NRROS: variants seen among roughly 807,000 people sequenced by gnomAD.
NRROS encodes the protein negative regulator of reactive oxygen species.
A neutral mutation model predicts 12.0 loss-of-function variants in NRROS; 6 were observed. That is an observed-to-expected ratio of 0.50 (90% CI 0.27 to 0.98). The LOEUF is 0.98. Ranked by LOEUF, NRROS falls within the 50% of genes least tolerant of loss-of-function variation. The pLI, the probability that NRROS is intolerant of heterozygous loss-of-function variation, is 0.11. For missense variants in NRROS, 857 were observed against 888.2 expected, an observed-to-expected ratio of 0.96 and a Z score of 0.45; for synonymous variants, 462 against 410.2, an observed-to-expected ratio of 1.13 and a Z score of -1.53.
intron 1 of NRROS, among the ~76,000 whole-genome samples, chr3:196,649,508 G>C (rs1449671792): frequency 6.6e-6 from 1 of 151,914 alleles, no homozygotes; most frequent in East Asian, 1.9e-4. Context: ...GTCTCGCTCT[G>C]TCGCCCAGGC....
chr3:196,660,606 A>G lies in NRROS; in HGVS notation c.963A>G (p.Glu321=), dbSNP rs745712182. 8.1e-6 allele frequency: 13 copies of G among 1,614,148 alleles called. No individual in the cohort carries two copies. The Middle Eastern group carries it at 9.9e-4, about 123-fold the overall frequency. ...TNITTVSLWE[E]FSSSDLADLR... ...TCACCACCGTCAGCCTCTGGGAAGA[A>G]TTCTCCTCCAGCGACCTCGCAGATC... The change falls in exon 3 of 3, where the codon GAA becomes GAG. Residue 321 remains glutamate (E), a synonymous_variant. Transcript: ENST00000328557. The surrounding 1 kb of genome is among the most constrained non-coding windows in gnomAD (Gnocchi z 7.7).
chr3:196,658,718 C>A (rs141660046), intron 2 of NRROS, among the ~76,000 whole-genome samples: 1 of 152,192 alleles, frequency 6.6e-6, no homozygotes, highest in Admixed American at 6.5e-5. Context: ...GTAATCCCAG[C>A]ACTTTTGGGA....
intron 1 of NRROS, among the ~76,000 whole-genome samples, chr3:196,648,766 C>CAACAA (rs755443181): frequency 4.0e-5 from 3 of 74,814 alleles, no homozygotes; most frequent in African/African-American, 5.7e-5. Flanking sequence ...AACTCCATCT[C>CAACAA]AAAAAAAAAA....
chr3:196,660,972 G>T lies in NRROS; in HGVS notation c.1329G>T (p.Leu443=), dbSNP rs1478136354. ...ACAATCAGATCTCACTTTGTCCCCT[G>T]CCAGCTGCCTCGGACCGGGTGGGCC... ...MSHNQISLCP[L]PAASDRVGPP... The change falls in exon 3 of 3, where the codon CTG becomes CTT. Residue 443 remains leucine (L), a synonymous_variant. Coordinates refer to ENST00000328557, the MANE Select transcript of NRROS (RefSeq NM_198565.3). This position sits in a 1 kb window ranked among gnomAD's most constrained non-coding sequence, Gnocchi z 7.7. 2.5e-6 allele frequency: 4 copies of T among 1,614,042 alleles called. No individual in the cohort carries two copies. In the African/African-American group the frequency reaches 5.3e-5, roughly 22 times the overall value.
rs769899193 is a variant in NRROS at position 196,660,498 on chromosome 3, C to T, written c.855C>T (p.Gly285=). The T allele has an allele frequency of 1.2e-5, 19 of 1,614,158 alleles. No individual in the cohort carries two copies. Among genetic ancestry groups the T allele is most frequent in the Admixed American group, 3.3e-5 (2 of 60,016 alleles). The change falls in exon 3 of 3, where the codon GGC becomes GGT. Residue 285 remains glycine (G), a synonymous_variant. Coordinates refer to ENST00000328557, the MANE Select transcript of NRROS (RefSeq NM_198565.3). This position sits in a 1 kb window ranked among gnomAD's most constrained non-coding sequence, Gnocchi z 7.7. ...RTLLLRDNNM[G]FYRDLYNTSS... Reference sequence around the variant, plus strand: ...TCCTGCTGCGCGACAACAACATGGGCTTCTACCGGGACCTGTACAACACCT... The same window carrying T: ...TCCTGCTGCGCGACAACAACATGGGTTTCTACCGGGACCTGTACAACACCT...
chr3:196,653,342 A>G (rs1737469189), intron 1 of NRROS, among the ~76,000 whole-genome samples: 1 of 152,222 alleles, frequency 6.6e-6, no homozygotes, highest in Admixed American at 6.5e-5. Flanking sequence ...GTGAGCATTC[A>G]AATCTGATCA....
At chr3:196,653,450 G>A (rs1440808210) in intron 1 of NRROS, among the ~76,000 whole-genome samples, 1 of 152,252 alleles carries the variant, frequency 6.6e-6, no homozygotes, top group Non-Finnish European at 1.5e-5. Context: ...GTGAGCTGGT[G>A]CCGCTGGCCC....
At chr3:196,640,802 T>G (rs1002476914) in intron 1 of NRROS, among the ~76,000 whole-genome samples, 2 of 119,000 alleles carry the variant, frequency 1.7e-5, no homozygotes, top group Non-Finnish European at 3.5e-5. Context: ...GAATGGAGCC[T>G]CTCCGGACAG....
intron 1 of NRROS, among the ~76,000 whole-genome samples, chr3:196,649,975 AGTCAGGGGAGGTGGG>A (rs1737388316): frequency 6.6e-6 from 1 of 152,104 alleles, no homozygotes; most frequent in Non-Finnish European, 1.5e-5. Flanking sequence ...ACGTAGTAGC[AGTCAGGGGAGGTGGG>A]GGTGGGGACG....
intron 1 of NRROS, among the ~76,000 whole-genome samples, chr3:196,640,684 C>T (rs908576884): frequency 2.6e-5 from 4 of 152,168 alleles, no homozygotes; most frequent in Non-Finnish European, 4.4e-5. Flanking sequence ...AGGAGCTAGA[C>T]GGAAAGAAGT....
intron 1 of NRROS, among the ~76,000 whole-genome samples, chr3:196,643,125 A>C (rs1366179287): frequency 6.6e-6 from 1 of 152,088 alleles, no homozygotes; most frequent in African/African-American, 2.4e-5. Flanking sequence ...ATTTTACTAC[A>C]ATTAAACATT....
Position 196,661,107 on chromosome 3 carries a change from C to T in NRROS, c.1464C>T (p.Thr488=), listed in dbSNP as rs1325207771. ...PDCPFQGTSL[T]YLDLSSNWGV... ...GCCCATTCCAAGGGACCTCCCTGACCTACTTAGACCTCTCAAGCAACTGGG... is the reference window on the plus strand; with the variant it reads ...GCCCATTCCAAGGGACCTCCCTGACTTACTTAGACCTCTCAAGCAACTGGG... Residue 488 remains threonine, a synonymous_variant, in exon 3 of 3, where the codon ACC becomes ACT. Coordinates refer to ENST00000328557, the MANE Select transcript of NRROS (RefSeq NM_198565.3). 6.2e-7 allele frequency: 1 copy of T among 1,613,746 alleles called. No homozygotes were observed. Among genetic ancestry groups the T allele is most frequent in the African/African-American group, 1.3e-5 (1 of 74,916 alleles).
In NRROS at chr3:196,654,802, C is replaced by G; in HGVS notation, c.108+155C>G. The G allele has an allele frequency of 1.7e-6, 1 of 590,820 alleles. No homozygotes were observed. Among genetic ancestry groups the G allele is most frequent in the Non-Finnish European group, 3.0e-6 (1 of 334,232 alleles). The allele number at this position is 590,820 out of a possible 1,614,324, so 36.6% of individuals were successfully genotyped here. On this transcript the variant is annotated intron_variant, in intron 2 of 2. Coordinates refer to ENST00000328557, the MANE Select transcript of NRROS (RefSeq NM_198565.3). The surrounding 1 kb of genome is among the most constrained non-coding windows in gnomAD (Gnocchi z 4.4). Reference sequence around the variant, plus strand: ...CTAGCACAGGGGCATGTGCAGCTGCCCTTTAACCACAGGATTTTAAGATGC... The same window carrying G: ...CTAGCACAGGGGCATGTGCAGCTGCGCTTTAACCACAGGATTTTAAGATGC...
chr3:196,642,220 A>T (rs1737222365), intron 1 of NRROS, among the ~76,000 whole-genome samples: 1 of 152,038 alleles, frequency 6.6e-6, no homozygotes, highest in East Asian at 1.9e-4. Flanking sequence ...CGAGTTCAAG[A>T]ATCAGATTCT....
chr3:196,658,495 T>C (rs898405560), intron 2 of NRROS, among the ~76,000 whole-genome samples: 17 of 152,322 alleles, frequency 1.1e-4, no homozygotes, highest in African/African-American at 3.6e-4. Flanking sequence ...GAGATTCAGA[T>C]TGAGTCTGTC....
chr3:196,651,572 G>T (rs1737428127), intron 1 of NRROS, among the ~76,000 whole-genome samples: 3 of 152,144 alleles, frequency 2.0e-5, no homozygotes, highest in Non-Finnish European at 4.4e-5. Context: ...ATTGAGACCA[G>T]CCTGGCCAAC....
chr3:196,654,702 G>A lies in NRROS; in HGVS notation c.108+55G>A, dbSNP rs1737502864. ...GCTGCTCCTGTCCTGACAAGGCTTG[G>A]TCCATTTGGAAAGCTGACAGATTGT... is the stretch of plus-strand genomic sequence containing the variant. On this transcript the variant is annotated intron_variant, in intron 2 of 2. Coordinates refer to ENST00000328557, the MANE Select transcript of NRROS (RefSeq NM_198565.3). This position sits in a 1 kb window ranked among gnomAD's most constrained non-coding sequence, Gnocchi z 4.4. 1 of 1,125,794 alleles carries A rather than the reference G, an allele frequency of 8.9e-7. No homozygotes were observed. Among genetic ancestry groups the A allele is most frequent in the Non-Finnish European group, 1.3e-6 (1 of 762,534 alleles). The allele number at this position is 1,125,794 out of a possible 1,614,324, so 69.7% of individuals were successfully genotyped here. A position where few individuals can be genotyped will look rare whatever the true frequency, so the allele number is the denominator to read the frequency against.
rs1457082812 is a variant in NRROS, at chr3:196,661,497, G to C, written c.1854G>C (p.Met618Ile). The C allele has an allele frequency of 6.2e-7, 1 of 1,609,978 alleles. No homozygotes were observed. The highest frequency in any genetic ancestry group is 8.5e-7 in the Non-Finnish European group (1 of 1,176,898). ...GGCAGACGGTGGCCGACTGGGCCAT[G>C]GTCACCTGCAACCTCTCCTCCAAGA... ...QHGQTVADWA[M>I]VTCNLSSKII... is the part of the protein sequence containing the mutation. Residue 618 changes from methionine (M) to isoleucine (I), a missense_variant, in exon 3 of 3, where the codon ATG (methionine) becomes ATC (isoleucine). Transcript: ENST00000328557.
chr3:196,658,980 A>G (rs1268437063), intron 2 of NRROS, among the ~76,000 whole-genome samples: 1 of 152,192 alleles, frequency 6.6e-6, no homozygotes, highest in Non-Finnish European at 1.5e-5. Context: ...AAAAAAACAA[A>G]AAACAAAAAA....
Sources: gnomAD v4.1 joint callset for allele counts (sites outside exome capture counted in the v4.1 genomes callset) on GRCh38, gnomAD v4.1.1 for gene constraint, Gnocchi (gnomAD v3.1) non-coding constraint, MANE v1.5 for transcripts, NCBI Gene and HGNC (gene_info 2026-07-23, HGNC 2026-07-21) for gene names.